The following PRH1 variants were observed in gnomAD, a reference collection of about 807,000 sequenced individuals.
PRH1 encodes salivary acidic proline-rich phosphoprotein 1/2.
PRH1 carries 7 observed loss-of-function variants against 7.9 expected under a neutral mutation model. The ratio of observed to expected loss-of-function variants is 0.89; its 90% CI spans 0.50 to 1.67. The LOEUF is 1.67. Ranked by LOEUF, PRH1 falls within the 40% of genes most tolerant of loss-of-function variation. The pLI is 0.00. For missense variants in PRH1, 109 were observed against 223.6 expected (o/e 0.49, Z 3.27); for synonymous variants, 45 against 80.8 (o/e 0.56, Z 2.38).
At chr12:11,146,762 G>T (rs1354652940) in intron 1 of PRH1, among the ~76,000 whole-genome samples, 2 of 152,040 alleles carry the variant, frequency 1.3e-5, no homozygotes, top group Admixed American at 6.5e-5. Context: ...GTTACACACT[G>T]ATTTTCCTCC....
At chr12:11,038,524 T>C (rs1300918747) in intron 1 of PRH1, among the ~76,000 whole-genome samples, 1 of 152,266 alleles carries the variant, frequency 6.6e-6, no homozygotes, top group East Asian at 1.9e-4. Context: ...TTTTCCATCT[T>C]GATAATTCTT....
chr12:11,003,751 T>G (rs1319685152), intron 1 of PRH1, among the ~76,000 whole-genome samples: 1 of 151,978 alleles, frequency 6.6e-6, no homozygotes, highest in Non-Finnish European at 1.5e-5. Context: ...TTCATATAAA[T>G]GTGATTATAT....
rs141991255 is a variant in PRH1 at position 11,027,973 on chromosome 12, C to T, written c.-126+19047G>A. ...CTGTGGACGTCATATGCTCATAAAG[C>T]CAGCCATGACTGGAGGGTATGAGCA... On this transcript the variant is annotated intron_variant, in intron 1 of 3. Transcript: ENST00000539853. Among the ~76,000 whole-genome samples the T allele has an allele frequency of 4.7e-3, 710 of 152,330 alleles. 1 individual carries two copies. The highest frequency in any genetic ancestry group is 6.5e-3 in the Non-Finnish European group (439 of 68,018).
At chr12:11,056,684 G>A (rs35093093) in intron 1 of PRH1, among the ~76,000 whole-genome samples, 33,892 of 151,886 alleles carry the variant, frequency 0.22, 3,808 homozygotes, top group Non-Finnish European at 0.24. Context: ...CAGGTGTGGT[G>A]GTGCCCGTCT....
intron 2 of PRH1, among the ~76,000 whole-genome samples, chr12:10,939,713 G>A (rs1426581735): frequency 6.6e-6 from 1 of 151,978 alleles, no homozygotes; most frequent in Non-Finnish European, 1.5e-5. Flanking sequence ...GATGGTGAAA[G>A]TTTACAGAAC....
intron 1 of PRH1, among the ~76,000 whole-genome samples, chr12:11,026,439 A>G (rs1941920156): frequency 1.3e-5 from 2 of 149,874 alleles, no homozygotes; most frequent in African/African-American, 4.9e-5. Flanking sequence ...GTATAATTGA[A>G]ATAGATATGT....
At chr12:11,149,637 T>G (rs1946996727) in intron 1 of PRH1, among the ~76,000 whole-genome samples, 1 of 143,990 alleles carries the variant, frequency 6.9e-6, no homozygotes, top group Admixed American at 7.1e-5. Context: ...TGAAACTGGA[T>G]CCCTTCCTTA....
At chr12:11,080,704 T>A (rs72477436) in intron 1 of PRH1, among the ~76,000 whole-genome samples, 4,916 of 83,310 alleles carry the variant, frequency 0.059, 144 homozygotes, top group Non-Finnish European at 0.08. Flanking sequence ...TTCATTGTCA[T>A]TAATTTTTAT....
chr12:10,938,193 G>C (rs1487476211), intron 2 of PRH1: 1 of 1,125,442 alleles, frequency 8.9e-7, no homozygotes. Context: ...AGAATCTTAA[G>C]GAAGTATAAA....
intron 1 of PRH1, among the ~76,000 whole-genome samples, chr12:11,150,325 A>T (rs1021493814): frequency 9.2e-5 from 14 of 152,088 alleles, no homozygotes; most frequent in African/African-American, 2.4e-4. Context: ...ACTGGGTATA[A>T]ACCCAAAGGA....
chr12:11,031,396 CA>C (rs1484883393), intron 1 of PRH1: 1 of 1,570,836 alleles, frequency 6.4e-7, no homozygotes, highest in East Asian at 2.3e-5. Context: ...TTGGTTCCTG[CA>C]GGTGGGTTCG....
chr12:11,041,320 T>C (rs997548706), intron 1 of PRH1, among the ~76,000 whole-genome samples: 4 of 125,006 alleles, frequency 3.2e-5, no homozygotes, highest in Admixed American at 7.7e-5. Flanking sequence ...AACAAAAAAG[T>C]AGAGTACCTA....
intron 2 of PRH1, among the ~76,000 whole-genome samples, chr12:10,934,850 T>A (rs1950264657): frequency 6.6e-6 from 1 of 152,192 alleles, no homozygotes; most frequent in South Asian, 2.1e-4. Flanking sequence ...TCTGCATCAT[T>A]GTGCATGTTT....
At chr12:10,995,625 T>G (rs1322043858) in intron 1 of PRH1, among the ~76,000 whole-genome samples, 1 of 152,158 alleles carries the variant, frequency 6.6e-6, no homozygotes, top group Non-Finnish European at 1.5e-5. Flanking sequence ...TGAGCTTCTT[T>G]TTAAAGTAAG....
At position 11,084,137 on chromosome 12, in the gene PRH1, G is replaced by C. The variant is rs1459126419; in HGVS notation, n.124-36949C>G. ...CAACAGGAGAAGGACACAGAAACAG[G>C]AACTGTGTTAGGATTAAAAACTCCT... On this transcript the variant is annotated intron_variant and non_coding_transcript_variant, in intron 1 of 4. Transcript: ENST00000541977. Among the ~76,000 whole-genome samples, 2 of 135,258 alleles carry C rather than the reference G, an allele frequency of 1.5e-5. 1 individual carries two copies. Among genetic ancestry groups the C allele is most frequent in the Non-Finnish European group, 3.3e-5 (2 of 59,838 alleles). 88.7% of individuals were successfully genotyped at this position (135,258 alleles called of 152,430 possible).
In PRH1 at chr12:11,076,122, T is replaced by G. The variant is rs796578886; in HGVS notation, n.124-28934A>C. On this transcript the variant is annotated intron_variant and non_coding_transcript_variant, in intron 1 of 4. Transcript: ENST00000541977. ...AGATGAGGAGTTGACTTATTTTAAG[T>G]TTTACATAACAATGTTAAAATCTCA... Among the ~76,000 whole-genome samples the G allele has an allele frequency of 6.8e-3, 336 of 49,146 alleles. 16 individuals carry two copies. Among genetic ancestry groups the G allele is most frequent in the Non-Finnish European group, 0.013 (213 of 16,684 alleles). 32.2% of individuals were successfully genotyped at this position (49,146 alleles called of 152,430 possible).
At position 10,882,714 on chromosome 12, in the gene PRH1, C is replaced by T. The variant is rs1227389398; in HGVS notation, c.101-16G>A. ...TCTCCTCCATCTGTGTGAGTTGAAACAAGAAGAGCTGAGCTCATGCTGGAA... is the reference window on the plus strand; with the variant it reads ...TCTCCTCCATCTGTGTGAGTTGAAATAAGAAGAGCTGAGCTCATGCTGGAA... On this transcript the variant is annotated splice_polypyrimidine_tract_variant and intron_variant, in intron 2 of 3. Coordinates refer to ENST00000543626, the MANE Select transcript of PRH1 (RefSeq NM_001393989.1). 8 of 1,594,310 alleles carry T rather than the reference C, an allele frequency of 5.0e-6. No individual in the cohort carries two copies. Among genetic ancestry groups the T allele is most frequent in the Non-Finnish European group, 6.8e-6 (8 of 1,170,302 alleles).
chr12:11,111,858 C>G (rs1430174951), intron 1 of PRH1, among the ~76,000 whole-genome samples: 1 of 152,030 alleles, frequency 6.6e-6, no homozygotes, highest in Non-Finnish European at 1.5e-5. Context: ...ATCAATGAAT[C>G]CAGGAGCTGG....
chr12:10,906,467 G>A (rs1479917667), intron 2 of PRH1, among the ~76,000 whole-genome samples: 1 of 152,158 alleles, frequency 6.6e-6, no homozygotes, highest in African/African-American at 2.4e-5. Context: ...TAAAACATAT[G>A]TCTGATAAAG....
Sources: allele counts gnomAD v4.1 joint callset (sites outside exome capture counted in the v4.1 genomes callset), GRCh38; gene constraint gnomAD v4.1.1; transcripts MANE v1.5; gene names NCBI Gene and HGNC (gene_info 2026-07-23, HGNC 2026-07-21).